DLG2: variants seen among roughly 807,000 people sequenced by gnomAD.
DLG2 encodes disks large homolog 2.
A neutral mutation model predicts 132.5 loss-of-function variants in DLG2; 45 were observed. That is an observed-to-expected ratio of 0.34 (90% confidence interval 0.27 to 0.44). The LOEUF (loss-of-function observed/expected upper bound fraction) is 0.44, where lower values mean the gene tolerates loss of function less well. DLG2 is among the 20% of genes least tolerant of loss of function. DLG2 has a pLI of 1.00. For missense variants in DLG2, 1,045 were observed against 1,196.9 expected, an observed-to-expected ratio of 0.87 and a Z score of 1.87; for synonymous variants, 424 against 419.6, an observed-to-expected ratio of 1.01 and a Z score of -0.13.
chr11:84,452,283 G>A (rs1031779066), intron 7 of DLG2, among the ~76,000 whole-genome samples: 1 of 151,724 alleles, frequency 6.6e-6, no homozygotes, highest in Non-Finnish European at 1.5e-5. Flanking sequence ...TACAAAATAA[G>A]ATTGGAGAGC....
At chr11:83,981,516 G>A (rs1277239350) in intron 11 of DLG2, among the ~76,000 whole-genome samples, 2 of 151,894 alleles carry the variant, frequency 1.3e-5, no homozygotes, top group Non-Finnish European at 2.9e-5. Context: ...ATTTCAGCTC[G>A]CTGCAACCTC....
intron 18 of DLG2, among the ~76,000 whole-genome samples, chr11:83,690,494 G>A (rs890925570): frequency 6.6e-6 from 1 of 151,898 alleles, no homozygotes; most frequent in Non-Finnish European, 1.5e-5. Flanking sequence ...AAGGTCAGTG[G>A]CAAATAGAGA....
intron 6 of DLG2, among the ~76,000 whole-genome samples, chr11:84,777,542 G>T (rs72945878): frequency 2.0e-5 from 3 of 151,466 alleles, no homozygotes; most frequent in African/African-American, 7.3e-5. Flanking sequence ...TTCCATAGAG[G>T]TTGGACTAAT....
intron 2 of DLG2, among the ~76,000 whole-genome samples, chr11:85,605,304 C>G (rs1288943122): frequency 6.6e-6 from 1 of 152,034 alleles, no homozygotes; most frequent in East Asian, 1.9e-4. Flanking sequence ...ACAATACCAC[C>G]CTTAATCCTC....
intron 18 of DLG2, among the ~76,000 whole-genome samples, chr11:83,756,327 T>G (rs2093643311): frequency 6.6e-6 from 1 of 151,622 alleles, no homozygotes; most frequent in East Asian, 1.9e-4. Flanking sequence ...AGCTATGAAC[T>G]TAGTGTAATT....
intron 18 of DLG2, among the ~76,000 whole-genome samples, chr11:83,769,621 T>C (rs1305768114): frequency 6.7e-6 from 1 of 148,590 alleles, no homozygotes; most frequent in East Asian, 2.0e-4. Context: ...TGGAGTGCAA[T>C]GGCGCAATCT....
intron 3 of DLG2, among the ~76,000 whole-genome samples, chr11:85,489,547 T>C (rs2093510099): frequency 6.6e-6 from 1 of 152,102 alleles, no homozygotes; most frequent in Admixed American, 6.6e-5. Flanking sequence ...AATTGGACTT[T>C]ACACAAAAGG....
At chr11:85,540,344 A>T (rs573684197) in intron 3 of DLG2, among the ~76,000 whole-genome samples, 2 of 152,332 alleles carry the variant, frequency 1.3e-5, no homozygotes, top group Admixed American at 6.5e-5. Flanking sequence ...CGAGAGGAAC[A>T]GAGGATCAGA....
intron 3 of DLG2, among the ~76,000 whole-genome samples, chr11:85,441,438 C>T (rs1209623824): frequency 1.3e-5 from 2 of 152,136 alleles, no homozygotes; most frequent in Non-Finnish European, 2.9e-5. Flanking sequence ...ATTTCCTTTT[C>T]CTCCCTTCTG....
At chr11:85,069,401 C>G (rs1399879708) in intron 6 of DLG2, among the ~76,000 whole-genome samples, 1 of 152,060 alleles carries the variant, frequency 6.6e-6, no homozygotes, top group East Asian at 1.9e-4. Context: ...GCAAGCTACG[C>G]ATCTGACAAA....
chr11:85,081,291 G>C (rs2067198372), intron 6 of DLG2, among the ~76,000 whole-genome samples: 1 of 152,162 alleles, frequency 6.6e-6, no homozygotes. Flanking sequence ...GCAGCCTTGA[G>C]CAGAGAATAC....
intron 22 of DLG2, chr11:83,480,529 C>G: frequency 6.6e-7 from 1 of 1,510,416 alleles, no homozygotes; most frequent in East Asian, 2.5e-5. Context: ...AAGTAAAAGC[C>G]GCAGAGGAGG....
chr11:83,906,292 C>G (rs954846520), intron 15 of DLG2, among the ~76,000 whole-genome samples: 3 of 146,640 alleles, frequency 2.0e-5, no homozygotes, highest in Non-Finnish European at 4.5e-5. Context: ...CACACACACA[C>G]ACACACACAC....
chr11:84,940,384 C>G (rs1434383531), intron 6 of DLG2, among the ~76,000 whole-genome samples: 1 of 152,206 alleles, frequency 6.6e-6, no homozygotes, highest in Non-Finnish European at 1.5e-5. Flanking sequence ...AACTCCTGAC[C>G]TCAGATGATC....
chr11:85,435,306 G>A (rs1346457526), intron 3 of DLG2, among the ~76,000 whole-genome samples: 1 of 152,148 alleles, frequency 6.6e-6, no homozygotes, highest in African/African-American at 2.4e-5. Flanking sequence ...AGTGTTGGAA[G>A]TTCTGGCTAT....
intron 5 of DLG2, among the ~76,000 whole-genome samples, chr11:85,148,061 T>C (rs971715194): frequency 7.2e-5 from 11 of 152,182 alleles, no homozygotes; most frequent in South Asian, 4.1e-4. Flanking sequence ...GCTTCATCCA[T>C]GTCCCTGCAA....
chr11:83,947,019 G>A (rs1024303987), intron 14 of DLG2, among the ~76,000 whole-genome samples: 2 of 152,206 alleles, frequency 1.3e-5, no homozygotes, highest in African/African-American at 2.4e-5. Context: ...GTATATGATC[G>A]AAACTAATAT....
rs985282629 is a variant in DLG2 at position 84,481,506 on chromosome 11, G to A, written c.519+53064C>T. On this transcript the variant is annotated intron_variant, in intron 7 of 27. Transcript: ENST00000376104. ...CACAGAACACTGAAGAGAATTATAT[G>A]AGGTAATTCATGTGAAGGGCCATAC... Among the ~76,000 whole-genome samples, 3 of 152,112 alleles carry A rather than the reference G, an allele frequency of 2.0e-5. No homozygotes were observed. The South Asian group carries it at 6.2e-4, about 32-fold the overall frequency.
chr11:85,525,630 A>G (rs560728824), intron 3 of DLG2, among the ~76,000 whole-genome samples: 1 of 152,342 alleles, frequency 6.6e-6, no homozygotes, highest in Admixed American at 6.5e-5. Context: ...TATGAGCAAA[A>G]TATATGAAAT....
Sources: allele counts gnomAD v4.1 joint callset (sites outside exome capture counted in the v4.1 genomes callset), GRCh38; gene constraint gnomAD v4.1.1; transcripts MANE v1.5; gene names NCBI Gene and HGNC (gene_info 2026-07-23, HGNC 2026-07-21).